RARB: variants seen among roughly 807,000 people sequenced by gnomAD.
The protein encoded by RARB is HBV-activated protein.
Under a neutral mutation model 51.9 loss-of-function variants are expected in RARB, and 17 were observed. The ratio of observed to expected loss-of-function variants is 0.33; its 90% confidence interval spans 0.22 to 0.49. The LOEUF (loss-of-function observed/expected upper bound fraction) is 0.49, where lower values mean the gene tolerates loss of function less well. RARB is among the 20% of genes least tolerant of loss of function. The pLI is 0.99. For synonymous variants in RARB, 215 were observed against 195.4 expected, an observed-to-expected ratio of 1.10 and a Z score of -0.84; for missense variants, 369 against 550.8, an observed-to-expected ratio of 0.67 and a Z score of 3.30.
At chr3:24,914,139 A>G (rs914305414) in intron 2 of RARB, among the ~76,000 whole-genome samples, 6 of 152,202 alleles carry the variant, frequency 3.9e-5, no homozygotes, top group African/African-American at 1.4e-4. Flanking sequence ...ATCATGTACC[A>G]TTCCACCTTC....
chr3:25,189,378 G>A (rs17518818), intron 5 of RARB, among the ~76,000 whole-genome samples: 12,866 of 152,146 alleles, frequency 0.085, 713 homozygotes, highest in Non-Finnish European at 0.13. Flanking sequence ...ATTTTTGTAA[G>A]CATTGAGAAA....
chr3:25,479,374 G>A (rs1437301910), intron 2 of RARB, among the ~76,000 whole-genome samples: 1 of 152,110 alleles, frequency 6.6e-6, no homozygotes, highest in Non-Finnish European at 1.5e-5. Flanking sequence ...GCCTTGTTGT[G>A]CATGGTATTA....
chr3:25,593,270 T>G (rs1701685577), intron 5 of RARB, among the ~76,000 whole-genome samples: 1 of 152,112 alleles, frequency 6.6e-6, no homozygotes, highest in Admixed American at 6.5e-5. Flanking sequence ...TAAAAAGATA[T>G]TTCTCAAAAT....
intron 5 of RARB, among the ~76,000 whole-genome samples, chr3:25,299,188 C>T (rs1050800529): frequency 6.6e-6 from 1 of 152,082 alleles, no homozygotes; most frequent in Non-Finnish European, 1.5e-5. Flanking sequence ...GTTGACCTCT[C>T]CCCTCAGGAC....
chr3:25,136,165 A>G (rs894025350), intron 4 of RARB, among the ~76,000 whole-genome samples: 5 of 151,988 alleles, frequency 3.3e-5, no homozygotes, highest in Admixed American at 6.6e-5. Flanking sequence ...TCAATATGCC[A>G]GGAGAATAGA....
chr3:24,853,330 T>A (rs550670262), intron 1 of RARB, among the ~76,000 whole-genome samples: 1 of 152,072 alleles, frequency 6.6e-6, no homozygotes, highest in Non-Finnish European at 1.5e-5. Context: ...ATAATAATAA[T>A]AATAAAATAA....
At chr3:24,871,408 C>T (rs1575045912) in intron 2 of RARB, among the ~76,000 whole-genome samples, 1 of 152,122 alleles carries the variant, frequency 6.6e-6, no homozygotes, top group African/African-American at 2.4e-5. Flanking sequence ...CTTCTTGACA[C>T]AATTTTCATT....
At chr3:25,300,039 C>T (rs1704004540) in intron 5 of RARB, among the ~76,000 whole-genome samples, 2 of 152,138 alleles carry the variant, frequency 1.3e-5, no homozygotes, top group African/African-American at 4.8e-5. Context: ...AAGCTCTGTT[C>T]ATTTAAGCAT....
At chr3:25,034,125 C>T (rs1332354573) in intron 2 of RARB, among the ~76,000 whole-genome samples, 3 of 152,298 alleles carry the variant, frequency 2.0e-5, no homozygotes, top group East Asian at 3.9e-4. Flanking sequence ...GTCTGGCCAA[C>T]ATGGTGAAAC....
At chr3:24,880,964 C>T (rs1039707482) in intron 2 of RARB, among the ~76,000 whole-genome samples, 3 of 152,116 alleles carry the variant, frequency 2.0e-5, no homozygotes, top group Non-Finnish European at 4.4e-5. Flanking sequence ...GGCTCTGTGT[C>T]CCCACCCAAA....
At chr3:25,414,884 C>G (rs978319244) in intron 5 of RARB, among the ~76,000 whole-genome samples, 4 of 152,128 alleles carry the variant, frequency 2.6e-5, no homozygotes, top group African/African-American at 9.7e-5. Flanking sequence ...TCTTGCTGCC[C>G]AGGCTGGAGT....
At chr3:25,339,766 G>A (rs911760684) in intron 5 of RARB, among the ~76,000 whole-genome samples, 1 of 151,972 alleles carries the variant, frequency 6.6e-6, no homozygotes, top group East Asian at 1.9e-4. Flanking sequence ...CCATAGCATT[G>A]TACCTCCAGA....
At chr3:25,360,013 C>T (rs891123784) in intron 5 of RARB, among the ~76,000 whole-genome samples, 3 of 152,194 alleles carry the variant, frequency 2.0e-5, no homozygotes, top group African/African-American at 7.2e-5. Context: ...GAGCTGAGTT[C>T]AAGTCCTGAA....
intron 5 of RARB, among the ~76,000 whole-genome samples, chr3:25,280,717 G>A (rs573233821): frequency 6.6e-6 from 1 of 152,246 alleles, no homozygotes; most frequent in East Asian, 1.9e-4. Context: ...ATGGAGTTTT[G>A]TTTTAGCATT....
Position 25,154,469 on chromosome 3 carries a change from C to T in RARB, c.-279-19650C>T, listed in dbSNP as rs569692788. Among the ~76,000 whole-genome samples, 36 of 152,232 alleles carry T rather than the reference C, an allele frequency of 2.4e-4. No individual in the cohort carries two copies. In the South Asian group the frequency reaches 7.3e-3, roughly 31 times the overall value. On this transcript the variant is annotated intron_variant, in intron 4 of 11. Coordinates refer to the RARB transcript ENST00000383772. ...CATGGCGGAGACCAAAGTCTTGGGC[C>T]CTCTCAGTGGGACCCTTGCAATAGT...
chr3:25,190,038 A>C (rs542118140), intron 5 of RARB, among the ~76,000 whole-genome samples: 1 of 152,226 alleles, frequency 6.6e-6, no homozygotes, highest in East Asian at 1.9e-4. Context: ...ATAGAGCCTC[A>C]GTTAAGCCCA....
chr3:25,457,774 C>A (rs886546744), intron 1 of RARB, among the ~76,000 whole-genome samples: 1 of 152,204 alleles, frequency 6.6e-6, no homozygotes, highest in Non-Finnish European at 1.5e-5. Context: ...CAGGGCATAG[C>A]TCTGACAGCT....
chr3:25,190,946 A>C (rs1001779882), intron 5 of RARB, among the ~76,000 whole-genome samples: 2 of 152,138 alleles, frequency 1.3e-5, no homozygotes. Flanking sequence ...CCCTAAAGGC[A>C]ACTGATTGGT....
intron 5 of RARB, among the ~76,000 whole-genome samples, chr3:25,288,193 A>T (rs1703702505): frequency 6.6e-6 from 1 of 152,190 alleles, no homozygotes; most frequent in East Asian, 1.9e-4. Context: ...AGGTGATACC[A>T]CATTTAGCAG....
Sources: allele counts gnomAD v4.1 joint callset (sites outside exome capture counted in the v4.1 genomes callset), GRCh38; gene constraint gnomAD v4.1.1; transcripts MANE v1.5; gene names NCBI Gene and HGNC (gene_info 2026-07-23, HGNC 2026-07-21).